The following IRF2BP2 variants were observed in gnomAD, a reference collection of about 807,000 sequenced individuals.
The protein encoded by IRF2BP2 is interferon regulatory factor 2-binding protein 2.
In IRF2BP2, 13 loss-of-function variants were observed where a neutral mutation model predicts 32.7. The ratio of observed to expected loss-of-function variants is 0.40; its 90% CI spans 0.26 to 0.63. IRF2BP2 has a LOEUF of 0.63. Ranked by LOEUF, IRF2BP2 falls within the 30% of genes least tolerant of loss-of-function variation. The pLI, the probability that IRF2BP2 is intolerant of heterozygous loss-of-function variation, is 0.42. For missense variants in IRF2BP2, 980 were observed against 830.6 expected (o/e 1.18, Z -2.21); for synonymous variants, 555 against 384.6 (o/e 1.44, Z -5.18).
rs1056490168 is a variant in IRF2BP2, at chr1:234,610,103, C to T, written c.-609G>A. On this transcript the variant is annotated 5_prime_UTR_variant, in exon 1 of 2. Coordinates refer to ENST00000366609, the MANE Select transcript of IRF2BP2 (RefSeq NM_182972.3). ...CGTCGCCGCTCTCCAGCGCCAGCGT[C>T]AGCGGCCAGCCCGCCTCAGCTCCGC... is the stretch of plus-strand genomic sequence containing the variant. Among the ~76,000 whole-genome samples the T allele has an allele frequency of 6.7e-6, 1 of 148,268 alleles. No homozygotes were observed. Among genetic ancestry groups the T allele is most frequent in the Admixed American group, 6.7e-5 (1 of 14,964 alleles).
At position 234,607,129 on chromosome 1, in the gene IRF2BP2, C is replaced by T; in HGVS notation, c.*8G>A. Reference sequence around the variant, plus strand: ...GGTAATCATTGGGTTTTTCTGAAACCGGAAAAGTCACGAGTCTCTCTCTTT... The same window carrying T: ...GGTAATCATTGGGTTTTTCTGAAACTGGAAAAGTCACGAGTCTCTCTCTTT... On this transcript the variant is annotated 3_prime_UTR_variant, in exon 2 of 2. Coordinates refer to ENST00000366609, the MANE Select transcript of IRF2BP2 (RefSeq NM_182972.3). The T allele has an allele frequency of 3.1e-6, 5 of 1,598,256 alleles. No homozygotes were observed. Among genetic ancestry groups the T allele is most frequent in the Non-Finnish European group, 4.3e-6 (5 of 1,169,168 alleles).
In IRF2BP2 at chr1:234,609,700, G is replaced by A. The variant is rs1040129561; in HGVS notation, c.-206C>T. On this transcript the variant is annotated 5_prime_UTR_variant, in exon 1 of 2. Coordinates refer to ENST00000366609, the MANE Select transcript of IRF2BP2 (RefSeq NM_182972.3). ...CGCGCAGCGCCCCCGGTGCACGAGG[G>A]GCGGCGGGCGCGAGGTGAGGGGCTG... Among the ~76,000 whole-genome samples the A allele has an allele frequency of 6.9e-5, 10 of 144,722 alleles. No individual in the cohort carries two copies. Among genetic ancestry groups the A allele is most frequent in the South Asian group, 4.2e-4 (2 of 4,744 alleles). The allele number at this position is 144,722 out of a possible 152,430, so 94.9% of individuals were successfully genotyped here. A position where few individuals can be genotyped will look rare whatever the true frequency, so the allele number is the denominator to read the frequency against.
rs1672270147 is a variant in IRF2BP2 at position 234,609,206 on chromosome 1, G to C, written c.289C>G (p.Gln97Glu). The C allele has an allele frequency of 7.6e-7, 1 of 1,324,124 alleles. No homozygotes were observed. The highest frequency in any genetic ancestry group is 9.6e-7 in the Non-Finnish European group (1 of 1,041,766). 82.0% of individuals were successfully genotyped at this position (1,324,124 alleles called of 1,614,324 possible). A position where few individuals can be genotyped will look rare whatever the true frequency, so the allele number is the denominator to read the frequency against. ...TCGGGGCCGCCGTGGCCAAGCTGCTGCTGCTGCTGCAAAAGGATGTCCTTG... is the reference window on the plus strand; with the variant it reads ...TCGGGGCCGCCGTGGCCAAGCTGCTCCTGCTGCTGCAAAAGGATGTCCTTG... Reference protein sequence around the residue: ...SAKDILLQQQQQLGHGGPEAA... With the variant: ...SAKDILLQQQEQLGHGGPEAA... Residue 97 changes from glutamine to glutamate, a missense_variant, in exon 1 of 2, where the codon CAG (glutamine) becomes GAG (glutamate). Gln to Glu is a conservative substitution (Grantham distance 29). Coordinates refer to ENST00000366609, the MANE Select transcript of IRF2BP2 (RefSeq NM_182972.3).
Position 234,607,605 on chromosome 1 carries a change from T to G in IRF2BP2, c.1296A>C (p.Ala432=), listed in dbSNP as rs778138851. The G allele has an allele frequency of 3.2e-5, 51 of 1,614,114 alleles. No homozygotes were observed. Among genetic ancestry groups the G allele is most frequent in the Non-Finnish European group, 4.2e-5 (50 of 1,180,036 alleles). The change falls in exon 2 of 2, where the codon GCA becomes GCC. Residue 432 remains alanine, a synonymous_variant. Coordinates refer to ENST00000366609, the MANE Select transcript of IRF2BP2 (RefSeq NM_182972.3). ...AGGCATGACTGCCCCCTGCATTGTC[T>G]GCTACTAAGATCAGGGCTGCCATGG... The part of the protein sequence containing the change: ...QSPMAALILV[A]DNAGGSHASK...
chr1:234,608,420 AC>A (rs1345954308), intron 1 of IRF2BP2, 26 bp downstream of exon 1: 1 of 1,452,138 alleles, frequency 6.9e-7, no homozygotes, highest in Non-Finnish European at 9.2e-7. Flanking sequence ...TCTCCCCTAG[AC>A]CCCCTCACTT....
chr1:234,607,968 G>C (rs955896625), intron 1 of IRF2BP2, 116 bp from the exon 2 acceptor site: 6 of 813,042 alleles, frequency 7.4e-6, no homozygotes, highest in Middle Eastern at 3.5e-4. Flanking sequence ...CTCTCTAAAA[G>C]CACAGACAGA....
chr1:234,608,368 T>A (rs1286548710), intron 1 of IRF2BP2, 79 bp downstream of exon 1: 1 of 1,201,152 alleles, frequency 8.3e-7, no homozygotes, highest in East Asian at 2.8e-5. Context: ...GGTAAAATGG[T>A]GAATCCAAAG....
In IRF2BP2 at chr1:234,608,970, G is replaced by C; in HGVS notation, c.525C>G (p.Ser175Arg). The stretch of plus-strand genomic sequence containing the variant: ...CCGCGTGGCCGCGCCGCGGGTTCGG[G>C]CTCTGGCGATTCAGCTCGGGCGGCT... ...LEEPPELNRQ[S>R]PNPRRGHAVP... The change falls in exon 1 of 2, where the codon AGC (serine) becomes AGG (arginine). Residue 175 changes from serine to arginine, a missense_variant. Coordinates refer to ENST00000366609, the MANE Select transcript of IRF2BP2 (RefSeq NM_182972.3). 7.4e-7 allele frequency: 1 copy of C among 1,359,940 alleles called. No individual in the cohort carries two copies. The allele number at this position is 1,359,940 out of a possible 1,614,324, so 84.2% of individuals were successfully genotyped here.
Position 234,609,082 on chromosome 1 carries a change from G to A in IRF2BP2, c.413C>T (p.Pro138Leu), listed in dbSNP as rs1289749053. The part of the protein sequence containing the change: ...RLGSDFGSSR[P>L]AASLAQPPTP... ...CGGCGGCTGGGCCAGGCTCGCTGCC[G>A]GGCGGCTGCTGCCGAAGTCAGAGCC... The change falls in exon 1 of 2, where the codon CCG becomes CTG. Residue 138 changes from proline to leucine, a missense_variant. Transcript: ENST00000366609. The A allele has an allele frequency of 2.4e-6, 3 of 1,247,034 alleles. No individual in the cohort carries two copies. The highest frequency in any genetic ancestry group is 1.6e-5 in the African/African-American group (1 of 64,456). 77.2% of individuals were successfully genotyped at this position (1,247,034 alleles called of 1,614,324 possible).
At position 234,606,554 on chromosome 1, in the gene IRF2BP2, G is replaced by A. The variant is rs867708666; in HGVS notation, c.*583C>T. On this transcript the variant is annotated 3_prime_UTR_variant, in exon 2 of 2. Transcript: ENST00000366609. ...TCAGTATCTCAGGAACTGAACTTTT[G>A]AGCAAAATAGAGATTCAAAATCCAC... 3 of 151,966 alleles carry A rather than the reference G, an allele frequency of 2.0e-5. No individual in the cohort carries two copies. The highest frequency in any genetic ancestry group is 1.3e-4 in the Admixed American group (2 of 15,268). The allele number at this position is 151,966 out of a possible 1,614,324, so 9.4% of individuals were successfully genotyped here.
At position 234,608,625 on chromosome 1, in the gene IRF2BP2, G is replaced by A. The variant is rs910869393; in HGVS notation, c.870C>T (p.Ser290=). ...CCCAGTCCTGCTCTCCAGACCCGCG[G>A]CTCTTGCCCGCACCTTCCGCGCTCA... ...AELSAEGAGK[S]RGSGEQDWVN... The change falls in exon 1 of 2, where the codon AGC becomes AGT. Residue 290 remains serine (S), a synonymous_variant. Coordinates refer to ENST00000366609, the MANE Select transcript of IRF2BP2 (RefSeq NM_182972.3). The A allele has an allele frequency of 4.5e-6, 7 of 1,570,816 alleles. No homozygotes were observed. The highest frequency in any genetic ancestry group is 3.6e-5 in the Admixed American group (2 of 55,846).
rs554016432 is a variant in IRF2BP2 at position 234,606,375 on chromosome 1, T to G, written c.*762A>C. The G allele has an allele frequency of 2.6e-5, 4 of 152,112 alleles. No homozygotes were observed. Among genetic ancestry groups the G allele is most frequent in the African/African-American group, 9.7e-5 (4 of 41,414 alleles). 9.4% of individuals were successfully genotyped at this position (152,112 alleles called of 1,614,324 possible). On this transcript the variant is annotated 3_prime_UTR_variant, in exon 2 of 2. Transcript: ENST00000366609. ...TATAACCGCCTTCCATCACTGGAAT[T>G]GTATCTTATGTAACCAACTAGCATG...
In IRF2BP2 at chr1:234,608,793, G is replaced by T; in HGVS notation, c.702C>A (p.Ala234=). The part of the protein sequence containing the change: ...LGSAQPTDLG[A]HKRPASVSSS... ...TCGACACGGATGCCGGCCGCTTGTG[G>T]GCGCCCAGATCGGTGGGCTGCGCGG... Residue 234 remains alanine (A), a synonymous_variant, in exon 1 of 2, where the codon GCC becomes GCA. Transcript: ENST00000366609. The T allele has an allele frequency of 7.0e-7, 1 of 1,433,050 alleles. No individual in the cohort carries two copies. The highest frequency in any genetic ancestry group is 1.5e-5 in the African/African-American group (1 of 66,850). The allele number at this position is 1,433,050 out of a possible 1,614,324, so 88.8% of individuals were successfully genotyped here.
At chr1:234,608,026 AG>A in intron 1 of IRF2BP2, 174 bp from the exon 2 acceptor site, 1 of 592,452 alleles carries the variant, frequency 1.7e-6, no homozygotes, top group Non-Finnish European at 2.9e-6. Flanking sequence ...TAAAACCTTC[AG>A]GCGTACGGGA....
At position 234,607,690 on chromosome 1, in the gene IRF2BP2, G is replaced by C. The variant is rs1672200261; in HGVS notation, c.1211C>G (p.Thr404Ser). The change falls in exon 2 of 2, where the codon ACT (threonine) becomes AGT (serine). Residue 404 changes from threonine (T) to serine (S), a missense_variant. Coordinates refer to ENST00000366609, the MANE Select transcript of IRF2BP2 (RefSeq NM_182972.3). ...TSSFVSPPPP[T>S]ASPHSNRTTP... ...GGTCCGGTTGGAATGAGGTGAGGCAGTGGGTGGTGGCGGAGACACAAAAGA... is the reference window on the plus strand; with the variant it reads ...GGTCCGGTTGGAATGAGGTGAGGCACTGGGTGGTGGCGGAGACACAAAAGA... 2 of 1,614,224 alleles carry C rather than the reference G, an allele frequency of 1.2e-6. No individual in the cohort carries two copies. Among genetic ancestry groups the C allele is most frequent in the Non-Finnish European group, 1.7e-6 (2 of 1,180,030 alleles).
At chr1:234,607,974 A>G (rs1486376441) in intron 1 of IRF2BP2, 122 bp from the exon 2 acceptor site, 2 of 754,022 alleles carry the variant, frequency 2.7e-6, no homozygotes, top group Non-Finnish European at 2.1e-6. Context: ...AAAAGCACAG[A>G]CAGAAAATAC....
Position 234,606,877 on chromosome 1 carries a change from G to T in IRF2BP2, c.*260C>A. ...CGCAAGTCACAGCCTACATAGAACG[G>T]TAACTGTCACCAGGATAATAAAGCA... is the stretch of plus-strand genomic sequence containing the variant. On this transcript the variant is annotated 3_prime_UTR_variant, in exon 2 of 2. Coordinates refer to ENST00000366609, the MANE Select transcript of IRF2BP2 (RefSeq NM_182972.3). The T allele has an allele frequency of 3.2e-6, 1 of 310,124 alleles. No individual in the cohort carries two copies. The highest frequency in any genetic ancestry group is 6.0e-6 in the Non-Finnish European group (1 of 166,932). 19.2% of individuals were successfully genotyped at this position (310,124 alleles called of 1,614,324 possible). A position where few individuals can be genotyped will look rare whatever the true frequency, so the allele number is the denominator to read the frequency against.
chr1:234,608,766 G>A lies in IRF2BP2; in HGVS notation c.729C>T (p.Ser243=). 1.4e-6 allele frequency: 2 copies of A among 1,468,590 alleles called. No homozygotes were observed. Among genetic ancestry groups the A allele is most frequent in the Non-Finnish European group, 1.8e-6 (2 of 1,119,436 alleles). The allele number at this position is 1,468,590 out of a possible 1,614,324, so 91.0% of individuals were successfully genotyped here. Residue 243 remains serine (S), a synonymous_variant, in exon 1 of 2, where the codon AGC becomes AGT. Transcript: ENST00000366609. Reference sequence around the variant, plus strand: ...GCTGCTCGTGCTCCACGGCAGCGCTGCTCGACACGGATGCCGGCCGCTTGT... The same window carrying A: ...GCTGCTCGTGCTCCACGGCAGCGCTACTCGACACGGATGCCGGCCGCTTGT... ...GAHKRPASVS[S]SAAVEHEQRE... is the part of the protein sequence containing the mutation.
At chr1:234,607,912 A>G in intron 1 of IRF2BP2, 60 bp from the exon 2 acceptor site, 2 of 1,323,698 alleles carry the variant, frequency 1.5e-6, no homozygotes, top group South Asian at 1.4e-5. Context: ...ACTGAAAGAG[A>G]TCATTCTCTT....
Sources: gnomAD v4.1 joint callset for allele counts (sites outside exome capture counted in the v4.1 genomes callset) on GRCh38, gnomAD v4.1.1 for gene constraint, MANE v1.5 for transcripts, NCBI Gene and HGNC (gene_info 2026-07-23, HGNC 2026-07-21) for gene names.